Variants in CDH4 observed in about 807,000 individuals in gnomAD.
CDH4 encodes cadherin 4.
Under a neutral mutation model 86.0 loss-of-function variants are expected in CDH4, and 33 were observed. That is an observed-to-expected ratio of 0.38 (90% CI 0.29 to 0.51). The LOEUF (loss-of-function observed/expected upper bound fraction) is 0.51. Among genes scored for constraint, CDH4 ranks in the 20% least tolerant of loss-of-function variants. The pLI, the probability that CDH4 is intolerant of heterozygous loss-of-function variation, is 0.86. For synonymous variants in CDH4, 555 were observed against 549.4 expected, an observed-to-expected ratio of 1.01 and a Z score of -0.14; for missense variants, 1,114 against 1,307.4, an observed-to-expected ratio of 0.85 and a Z score of 2.28.
chr20:61,834,207 T>G (rs1005587863), intron 4 of CDH4, among the ~76,000 whole-genome samples: 1 of 152,218 alleles, frequency 6.6e-6, no homozygotes, highest in Admixed American at 6.5e-5. Flanking sequence ...TTCTCGGGCC[T>G]GACTCCAGCC....
chr20:61,844,943 C>T, intron 5 of CDH4, 120 bp downstream of exon 5: 4 of 1,053,536 alleles, frequency 3.8e-6, no homozygotes, highest in Non-Finnish European at 5.3e-6. Flanking sequence ...AGCACTCCAA[C>T]TTTGGCCTGG....
intron 2 of CDH4, among the ~76,000 whole-genome samples, chr20:61,389,067 G>T (rs533404374): frequency 1.2e-4 from 18 of 152,332 alleles, no homozygotes; most frequent in Non-Finnish European, 2.2e-4. Flanking sequence ...ACTGATCAAG[G>T]TTTTTTGCTG....
Position 61,829,372 on chromosome 20 carries a change from G to A in CDH4, c.577-15296G>A, listed in dbSNP as rs1467467205. Among the ~76,000 whole-genome samples, 1 of 152,254 alleles carries A rather than the reference G, an allele frequency of 6.6e-6. No individual in the cohort carries two copies. Among genetic ancestry groups the A allele is most frequent in the Non-Finnish European group, 1.5e-5 (1 of 68,048 alleles). Reference sequence around the variant, plus strand: ...TCAGGGCCAAATAACATTTCACTGTGTGGGTGGACCACGTTTAGCCACTCA... The same window carrying A: ...TCAGGGCCAAATAACATTTCACTGTATGGGTGGACCACGTTTAGCCACTCA... On this transcript the variant is annotated intron_variant, in intron 4 of 15. Coordinates refer to ENST00000614565, the MANE Select transcript of CDH4 (RefSeq NM_001794.5). The surrounding 1 kb of genome is among the most constrained non-coding windows in gnomAD (Gnocchi z 4.2).
intron 2 of CDH4, among the ~76,000 whole-genome samples, chr20:61,422,469 C>CAAAAAAAAAAAAAAAAAAAAA (rs2085185449): frequency 4.7e-5 from 2 of 42,514 alleles, no homozygotes; most frequent in Non-Finnish European, 9.6e-5. Context: ...AAAAAAAAAC[C>CAAAAAAAAAAAAAAAAAAAAA]AAATCTCCCC....
intron 8 of CDH4, among the ~76,000 whole-genome samples, chr20:61,901,077 C>T (rs192734210): frequency 6.6e-6 from 1 of 151,936 alleles, no homozygotes; most frequent in African/African-American, 2.4e-5. Context: ...GGGTCAACCT[C>T]TCTGTCCTTT....
chr20:61,634,469 C>A (rs1326012267), intron 2 of CDH4, among the ~76,000 whole-genome samples: 1 of 147,632 alleles, frequency 6.8e-6, no homozygotes, highest in African/African-American at 2.6e-5. Context: ...TCTCCACACC[C>A]ATAGATCTGC....
In CDH4 at chr20:61,681,723, G is replaced by C. The variant is rs560104063; in HGVS notation, c.170-61840G>C. On this transcript the variant is annotated intron_variant, in intron 2 of 15. Transcript: ENST00000614565. This position sits in a 1 kb window ranked among gnomAD's most constrained non-coding sequence, Gnocchi z 4.5. ...TCGGGAAAGTCCGGGCTCAGTGCAT[G>C]TGGAGCTGCCACCCTAGAAAGCCCT... Among the ~76,000 whole-genome samples the C allele has an allele frequency of 6.6e-6, 1 of 152,210 alleles. No homozygotes were observed. The highest frequency in any genetic ancestry group is 1.9e-4 in the East Asian group (1 of 5,198).
chr20:61,854,475 G>A, intron 6 of CDH4, among the ~76,000 whole-genome samples: 1 of 150,506 alleles, frequency 6.6e-6, no homozygotes, highest in East Asian at 2.0e-4. Flanking sequence ...CCCCAGGGCT[G>A]CAGTGTGAAC....
chr20:61,770,864 C>T (rs2088766285), intron 3 of CDH4, among the ~76,000 whole-genome samples: 1 of 133,800 alleles, frequency 7.5e-6, no homozygotes, highest in African/African-American at 2.8e-5. Context: ...GCCTGGGCGA[C>T]AGAGCGAGAC....
intron 2 of CDH4, among the ~76,000 whole-genome samples, chr20:61,626,792 G>T (rs1452857438): frequency 6.6e-6 from 1 of 152,234 alleles, no homozygotes. Flanking sequence ...GGCAGCCATT[G>T]TAACTCAGAG....
At chr20:61,673,953 A>G (rs2087417869) in intron 2 of CDH4, among the ~76,000 whole-genome samples, 1 of 152,212 alleles carries the variant, frequency 6.6e-6, no homozygotes, top group Non-Finnish European at 1.5e-5. Context: ...CCATTGAAAG[A>G]TTACATTTTT....
chr20:61,648,530 G>C (rs1669930986), intron 2 of CDH4, among the ~76,000 whole-genome samples: 2 of 152,184 alleles, frequency 1.3e-5, no homozygotes. Flanking sequence ...AGACAGTATG[G>C]GGTGGGGATT....
At chr20:61,583,682 G>A (rs746492989) in intron 2 of CDH4, among the ~76,000 whole-genome samples, 18 of 152,180 alleles carry the variant, frequency 1.2e-4, no homozygotes, top group Non-Finnish European at 1.6e-4. Context: ...GCCATCCTTC[G>A]TTCCCTCCTC....
chr20:61,541,757 C>T (rs1028037255), intron 2 of CDH4, among the ~76,000 whole-genome samples: 2 of 152,192 alleles, frequency 1.3e-5, no homozygotes, highest in South Asian at 2.1e-4. Context: ...AGCCTCTCCC[C>T]GTGGGTCCAT....
At chr20:61,372,458 A>T (rs2084846240) in intron 2 of CDH4, among the ~76,000 whole-genome samples, 1 of 152,188 alleles carries the variant, frequency 6.6e-6, no homozygotes. Context: ...GCAGGTCCCC[A>T]TGGCTCTATT....
intron 2 of CDH4, among the ~76,000 whole-genome samples, chr20:61,390,416 G>A (rs61495609): frequency 5.6e-5 from 7 of 125,734 alleles, no homozygotes; most frequent in Admixed American, 7.4e-5. Context: ...GATTGAGATC[G>A]TGCGGTCATA....
chr20:61,926,712 A>C (rs2055048204), intron 11 of CDH4, among the ~76,000 whole-genome samples: 1 of 152,208 alleles, frequency 6.6e-6, no homozygotes, highest in African/African-American at 2.4e-5. Context: ...CTTTACTAAA[A>C]AAATACAAAA....
chr20:61,328,474 C>G (rs1016931899), intron 2 of CDH4, among the ~76,000 whole-genome samples: 5 of 152,192 alleles, frequency 3.3e-5, no homozygotes, highest in Non-Finnish European at 7.3e-5. Context: ...CGCGCCCGGC[C>G]CAAAATTGCT....
At chr20:61,733,129 G>A (rs186128006) in intron 2 of CDH4, among the ~76,000 whole-genome samples, 1 of 152,216 alleles carries the variant, frequency 6.6e-6, no homozygotes, top group East Asian at 1.9e-4. Context: ...GGGGAGGGTG[G>A]GAAAGAAGAA....
Sources: allele counts gnomAD v4.1 joint callset (sites outside exome capture counted in the v4.1 genomes callset), GRCh38; gene constraint gnomAD v4.1.1; non-coding constraint Gnocchi (gnomAD v3.1); transcripts MANE v1.5; gene names NCBI Gene and HGNC (gene_info 2026-07-23, HGNC 2026-07-21).